Variants in SIRT5 observed in about 807,000 individuals in gnomAD.
SIRT5 encodes the protein sirtuin 5, also known as NAD-dependent protein deacylase sirtuin-5, mitochondrial.
In SIRT5, 26 loss-of-function variants were observed where a neutral mutation model predicts 40.0. The observed-to-expected ratio is 0.65, with a 90% confidence interval of 0.48 to 0.90. The LOEUF is 0.90. Ranked by LOEUF, SIRT5 falls within the 40% of genes least tolerant of loss-of-function variation. The pLI is 0.00. For missense variants in SIRT5, 401 were observed against 402.4 expected (o/e 1.00, Z 0.03); for synonymous variants, 146 against 149.1 (o/e 0.98, Z 0.15).
chr6:13,583,289 C>CTTTTTTTTTTTTTTTTTT (rs765557886), intron 2 of SIRT5, among the ~76,000 whole-genome samples: 2 of 100,534 alleles, frequency 2.0e-5, no homozygotes, highest in Non-Finnish European at 4.1e-5. Context: ...CTTCTTTGTT[C>CTTTTTTTTTTTTTTTTTT]TTTTTTTTTT....
At chr6:13,604,402 G>T in intron 9 of SIRT5, 1 of 927,596 alleles carries the variant, frequency 1.1e-6, no homozygotes, top group Admixed American at 2.0e-5. Context: ...CGAAGAGTGG[G>T]ACAGGATAAA....
intron 2 of SIRT5, among the ~76,000 whole-genome samples, chr6:13,583,779 A>G (rs1187531297): frequency 6.6e-5 from 10 of 152,132 alleles, no homozygotes; most frequent in Admixed American, 6.5e-4. Context: ...TTCTAACAAG[A>G]TTTCAGGTGA....
intron 9 of SIRT5, chr6:13,604,634 A>G (rs1762863593): frequency 6.9e-7 from 1 of 1,456,982 alleles, no homozygotes; most frequent in East Asian, 2.5e-5. Flanking sequence ...CATGCCATGG[A>G]CTGAGCAGCA....
chr6:13,608,201 A>G (rs1372151694), intron 9 of SIRT5, among the ~76,000 whole-genome samples: 1 of 152,238 alleles, frequency 6.6e-6, no homozygotes, highest in Non-Finnish European at 1.5e-5. Context: ...ACAATTGGAA[A>G]CTTTGCATTT....
chr6:13,574,330 C>T (rs1019815544), upstream of SIRT5, among the ~76,000 whole-genome samples: 1 of 152,094 alleles, frequency 6.6e-6, no homozygotes, highest in African/African-American at 2.4e-5. Context: ...TGCGCCGGGC[C>T]GGGGTCTCCG....
chr6:13,597,788 C>T (rs190368134), intron 7 of SIRT5, among the ~76,000 whole-genome samples: 9 of 152,260 alleles, frequency 5.9e-5, no homozygotes, highest in South Asian at 2.1e-4. Flanking sequence ...TCAGATGATC[C>T]ACCCGCCTCA....
Position 13,615,035 on chromosome 6 carries a change from G to A in SIRT5, c.*3170G>A. On this transcript the variant is annotated 3_prime_UTR_variant, in exon 10 of 10. Coordinates refer to ENST00000606117, the MANE Select transcript of SIRT5 (RefSeq NM_012241.5). ...ACCGGTTTTCTGAGCACCGGACAGC[G>A]TGAGCCGTGCCAGCCCTGTCTCGCC... 1 of 320,944 alleles carries A rather than the reference G, an allele frequency of 3.1e-6. No homozygotes were observed. The highest frequency in any genetic ancestry group is 5.3e-5 in the East Asian group (1 of 18,782). 19.9% of individuals were successfully genotyped at this position (320,944 alleles called of 1,614,324 possible).
At chr6:13,606,798 A>G (rs1030795745) in intron 9 of SIRT5, among the ~76,000 whole-genome samples, 2 of 151,792 alleles carry the variant, frequency 1.3e-5, no homozygotes, top group African/African-American at 2.4e-5. Context: ...CCTCCCACCT[A>G]AGCCTCCCGA....
In SIRT5 at chr6:13,591,715, G is replaced by A. The variant is rs1350938452; in HGVS notation, c.296G>A (p.Trp99Ter). ...TTTGCCCACAACCCGTCCCGGGTGT[G>A]GGAGTTCTACCACTACCGGCGGGAG... is the stretch of plus-strand genomic sequence containing the variant. ...LAFAHNPSRV[W>*]EFYHYRREVM... The change falls in exon 5 of 10, where the codon TGG (tryptophan) becomes TAG (stop). Residue 99 changes from tryptophan to a stop codon, truncating the protein, a stop_gained. Coordinates refer to ENST00000606117, the MANE Select transcript of SIRT5 (RefSeq NM_012241.5). LOFTEE classifies it high-confidence loss of function. The A allele has an allele frequency of 6.2e-6, 10 of 1,608,566 alleles. No individual in the cohort carries two copies. Among genetic ancestry groups the A allele is most frequent in the Non-Finnish European group, 7.7e-6 (9 of 1,176,048 alleles).
chr6:13,611,324 A>G (rs1168016949), intron 9 of SIRT5, among the ~76,000 whole-genome samples: 1 of 150,360 alleles, frequency 6.7e-6, no homozygotes, highest in African/African-American at 2.4e-5. Context: ...CATGCCAAAC[A>G]TACGTGTTAT....
Position 13,595,488 on chromosome 6 carries a change from A to T in SIRT5, c.487A>T (p.Lys163Ter), listed in dbSNP as rs200742589. The T allele has an allele frequency of 3.8e-5, 61 of 1,613,836 alleles. No homozygotes were observed. Among genetic ancestry groups the T allele is most frequent in the Non-Finnish European group, 5.0e-5 (59 of 1,179,826 alleles). ...NLLEIHGSLF[K>*]TRCTSCGVVA... ...TATGTATTTTTCAGGTAGCTTATTT[A>T]AAACTCGATGTACCTCTTGTGGAGT... Residue 163 changes from lysine (K) to a stop codon, truncating the protein, a stop_gained, in exon 6 of 10, where the codon AAA becomes TAA. Coordinates refer to ENST00000606117, the MANE Select transcript of SIRT5 (RefSeq NM_012241.5). LOFTEE classifies it high-confidence loss of function.
chr6:13,593,230 T>C (rs899736060), intron 5 of SIRT5, among the ~76,000 whole-genome samples: 3 of 152,162 alleles, frequency 2.0e-5, no homozygotes, highest in African/African-American at 7.2e-5. Flanking sequence ...TTTCTAAGTG[T>C]AGCATTTCCA....
chr6:13,588,376 T>G lies in SIRT5; in HGVS notation c.161T>G (p.Val54Gly). ...TTTTTTGCAAAAGCAAAGCACATAG[T>G]CATCATCTCAGGAGCTGGTGTTAGT... ...RKFFAKAKHI[V>G]IISGAGVSAE... is the part of the protein sequence containing the mutation. The change falls in exon 4 of 10, where the codon GTC becomes GGC. Residue 54 changes from valine to glycine, a missense_variant. Transcript: ENST00000606117. 1 of 1,614,118 alleles carries G rather than the reference T, an allele frequency of 6.2e-7. No homozygotes were observed. Among genetic ancestry groups the G allele is most frequent in the Non-Finnish European group, 8.5e-7 (1 of 1,179,930 alleles).
At chr6:13,583,921 T>C (rs544275137) in intron 2 of SIRT5, among the ~76,000 whole-genome samples, 155 bp from the exon 3 acceptor site, 1 of 152,328 alleles carries the variant, frequency 6.6e-6, no homozygotes, top group South Asian at 2.1e-4. Context: ...TAAAGATTTT[T>C]TAAAGGACAT....
intron 1 of SIRT5, among the ~76,000 whole-genome samples, chr6:13,577,413 G>A (rs1030532052): frequency 6.6e-6 from 1 of 151,832 alleles, no homozygotes; most frequent in African/African-American, 2.4e-5. Flanking sequence ...TATTATAAAT[G>A]AAATTGTTTT....
At position 13,584,177 on chromosome 6, in the gene SIRT5, G is replaced by C; in HGVS notation, c.67G>C (p.Ala23Pro). 1.9e-6 allele frequency: 3 copies of C among 1,614,150 alleles called. No individual in the cohort carries two copies. The highest frequency in any genetic ancestry group is 2.5e-6 in the Non-Finnish European group (3 of 1,180,024). The change falls in exon 3 of 10, where the codon GCG becomes CCG. Residue 23 changes from alanine (A) to proline (P), a missense_variant. Physicochemically the swap from Ala to Pro is conservative, Grantham distance 27. Coordinates refer to ENST00000606117, the MANE Select transcript of SIRT5 (RefSeq NM_012241.5). The part of the protein sequence containing the change: ...SQLYCGLKPP[A>P]STRNQICLKM... ...GCTATATTGTGGCCTGAAGCCTCCA[G>C]CGTCCACACGAAACCAGATTTGCCT...
At chr6:13,597,145 G>A (rs1761662750) in intron 7 of SIRT5, 129 bp downstream of exon 7, 1 of 694,502 alleles carries the variant, frequency 1.4e-6, no homozygotes, top group Admixed American at 3.0e-5. Flanking sequence ...TAAAAACCAG[G>A]CTTGATCTCT....
chr6:13,584,145 T>C lies in SIRT5; in HGVS notation c.35T>C (p.Ile12Thr). ...RPLQIVPSRL[I>T]SQLYCGLKPP... ...CTCCAGATTGTCCCAAGTCGATTGA[T>C]TTCCCAGCTATATTGTGGCCTGAAG... Residue 12 changes from isoleucine (I) to threonine (T), a missense_variant, in exon 3 of 10, where the codon ATT (isoleucine) becomes ACT (threonine). Transcript: ENST00000606117. 1 of 1,614,190 alleles carries C rather than the reference T, an allele frequency of 6.2e-7. No homozygotes were observed. Among genetic ancestry groups the C allele is most frequent in the Non-Finnish European group, 8.5e-7 (1 of 1,180,040 alleles).
chr6:13,603,372 T>C (rs977930398), intron 9 of SIRT5, among the ~76,000 whole-genome samples: 2 of 151,450 alleles, frequency 1.3e-5, no homozygotes, highest in Non-Finnish European at 2.9e-5. Context: ...ATCCAGGATA[T>C]ATAAAGAACT....
Sources: gnomAD v4.1 joint callset for allele counts (sites outside exome capture counted in the v4.1 genomes callset) on GRCh38, gnomAD v4.1.1 for gene constraint, MANE v1.5 for transcripts, NCBI Gene and HGNC (gene_info 2026-07-23, HGNC 2026-07-21) for gene names.